The following CSMD2 variants were observed in gnomAD, a reference collection of about 807,000 sequenced individuals.
The protein encoded by CSMD2 is CUB and sushi domain-containing protein 2.
A neutral mutation model predicts 398.5 loss-of-function variants in CSMD2; 130 were observed. The ratio of observed to expected loss-of-function variants is 0.33; its 90% CI spans 0.28 to 0.38. The LOEUF (loss-of-function observed/expected upper bound fraction) is 0.38, where lower values mean the gene tolerates loss of function less well. CSMD2 is among the 10% of genes least tolerant of loss of function. The probability of loss-of-function intolerance (pLI) is 1.00; values close to 1 mark genes in which losing one functional copy is unlikely to be tolerated. For synonymous variants in CSMD2, 1,828 were observed against 1,908.5 expected, an observed-to-expected ratio of 0.96 and a Z score of 1.10; for missense variants, 3,829 against 4,764.9, an observed-to-expected ratio of 0.80 and a Z score of 5.78.
At chr1:34,021,898 T>C (rs1354461108) in intron 3 of CSMD2, among the ~76,000 whole-genome samples, 1 of 152,170 alleles carries the variant, frequency 6.6e-6, no homozygotes, top group African/African-American at 2.4e-5. Context: ...GGTGCAAGCT[T>C]TTCCATATTT....
chr1:34,075,181 T>C (rs192718043), intron 2 of CSMD2, among the ~76,000 whole-genome samples: 33 of 152,340 alleles, frequency 2.2e-4, no homozygotes, highest in Middle Eastern at 3.4e-3. Context: ...AGTGTCCTCA[T>C]TCCTTTGTTC....
At chr1:33,687,442 G>T (rs1645095187) in intron 25 of CSMD2, among the ~76,000 whole-genome samples, 1 of 152,074 alleles carries the variant, frequency 6.6e-6, no homozygotes, top group Non-Finnish European at 1.5e-5. Flanking sequence ...TTACTGTTGA[G>T]AACTGAATTA....
At chr1:33,664,455 C>T (rs1644243020) in intron 25 of CSMD2, among the ~76,000 whole-genome samples, 1 of 152,114 alleles carries the variant, frequency 6.6e-6, no homozygotes, top group South Asian at 2.1e-4. Context: ...TGCATTTCTG[C>T]TAATATTTCA....
At position 33,587,115 on chromosome 1, in the gene CSMD2, C is replaced by T. The variant is rs143826784; in HGVS notation, c.6910G>A (p.Val2304Ile). The T allele has an allele frequency of 7.8e-5, 125 of 1,609,278 alleles. No homozygotes were observed. The highest frequency in any genetic ancestry group is 1.3e-4 in the East Asian group (6 of 44,810). The change falls in exon 45 of 71, where the codon GTC becomes ATC. Residue 2304 changes from valine to isoleucine, a missense_variant. Val to Ile is a conservative substitution (Grantham distance 29, BLOSUM62 3). Around this residue, in one of 5 missense-constraint regions of CSMD2, gnomAD observed 723 missense variants for 758.6 expected, o/e 0.95. Transcript: ENST00000373381. ...PPTILPNAEV[V>I]TENEEFNIGD... ...ATATTGAATTCTTCATTCTCTGTGA[C>T]GACTTCGGCGTTGGGGAGGATGGTG... is the stretch of plus-strand genomic sequence containing the variant.
intron 26 of CSMD2, among the ~76,000 whole-genome samples, chr1:33,661,690 C>A (rs1165418508): frequency 1.3e-5 from 2 of 152,168 alleles, no homozygotes; most frequent in Non-Finnish European, 2.9e-5. Flanking sequence ...AAGTATAAAG[C>A]AATGTGATCC....
intron 3 of CSMD2, among the ~76,000 whole-genome samples, chr1:34,004,456 G>A (rs1646997110): frequency 9.1e-6 from 1 of 109,420 alleles, no homozygotes; most frequent in African/African-American, 4.9e-5. Context: ...TAGTAATCAA[G>A]GTTTTTTTTT....
chr1:33,567,953 CAA>C (rs34519202), intron 52 of CSMD2, 112 bp from the exon 53 acceptor site: 2 of 1,314,602 alleles, frequency 1.5e-6, no homozygotes, highest in African/African-American at 2.9e-5. Context: ...CTCAGCATGA[CAA>C]AAATAGTGTT....
intron 6 of CSMD2, among the ~76,000 whole-genome samples, chr1:33,833,891 C>T (rs7368403): frequency 0.78 from 117,008 of 149,276 alleles, 46,743 homozygotes; most frequent in East Asian, 0.94. Context: ...GAGTGAACTC[C>T]CATTCACAAT....
chr1:33,634,139 C>G (rs181577957), intron 31 of CSMD2, among the ~76,000 whole-genome samples: 38 of 152,264 alleles, frequency 2.5e-4, no homozygotes, highest in Middle Eastern at 3.4e-3. Flanking sequence ...CCTGCCACCT[C>G]AGTATATTGG....
intron 5 of CSMD2, among the ~76,000 whole-genome samples, chr1:33,866,273 A>C (rs1290712703): frequency 2.0e-5 from 3 of 152,202 alleles, no homozygotes; most frequent in Admixed American, 2.0e-4. Flanking sequence ...ATTACGCACT[A>C]CTGCTAAGTT....
rs577845333 is a variant in CSMD2 at position 33,828,629 on chromosome 1, G to A, written c.1034-2855C>T. ...ATGTAGGGGCTGATGTGGGCACTGT[G>A]AGATATGTGTGGCCATGAGGGGAGG... On this transcript the variant is annotated intron_variant, in intron 6 of 70. Coordinates refer to ENST00000373381, the MANE Select transcript of CSMD2 (RefSeq NM_001281956.2). Among the ~76,000 whole-genome samples the A allele has an allele frequency of 5.9e-5, 9 of 152,304 alleles. No individual in the cohort carries two copies. In the East Asian group the frequency reaches 1.7e-3, roughly 29 times the overall value.
chr1:33,614,700 T>TAA (rs1641270908), intron 39 of CSMD2, 80 bp from the exon 40 acceptor site: 3 of 759,502 alleles, frequency 3.9e-6, no homozygotes. Context: ...GAAGCTCCCT[T>TAA]CAAGCAGCAG....
Position 33,724,272 on chromosome 1 carries a change from A to G in CSMD2, c.2926T>C (p.Leu976=). The G allele has an allele frequency of 6.2e-7, 1 of 1,614,142 alleles. No homozygotes were observed. The change falls in exon 19 of 71, where the codon TTG becomes CTG. Residue 976 remains leucine (L), a synonymous_variant. Transcript: ENST00000373381. ...GFIQGSSGTI[L]SPGFPDFYPN... The stretch of plus-strand genomic sequence containing the variant: ...TAGAAGTCAGGGAACCCTGGCGACA[A>G]GATGGTCCCACTGGAGCCTTGAATG...
chr1:33,682,264 G>T (rs908474807), intron 25 of CSMD2, among the ~76,000 whole-genome samples: 1 of 152,056 alleles, frequency 6.6e-6, no homozygotes, highest in Non-Finnish European at 1.5e-5. Flanking sequence ...TGGCATCTAG[G>T]GTTCACCCAG....
Position 33,635,363 on chromosome 1 carries a change from C to A in CSMD2, c.4970-33G>T. 1 of 1,306,816 alleles carries A rather than the reference C, an allele frequency of 7.7e-7. No individual in the cohort carries two copies. Among genetic ancestry groups the A allele is most frequent in the Non-Finnish European group, 1.1e-6 (1 of 905,542 alleles). 81.0% of individuals were successfully genotyped at this position (1,306,816 alleles called of 1,614,324 possible). A position where few individuals can be genotyped will look rare whatever the true frequency, so the allele number is the denominator to read the frequency against. On this transcript the variant is annotated intron_variant, in intron 30 of 70. Transcript: ENST00000373381. The surrounding 1 kb of genome is among the most constrained non-coding windows in gnomAD (Gnocchi z 5.0). ...AGAAACCAGATAGAGAGTCAGGTGA[C>A]CTTGTGGGCCTCTTACCAGTGACCA...
At chr1:33,749,800 G>T (rs567533386) in intron 13 of CSMD2, among the ~76,000 whole-genome samples, 1 of 152,296 alleles carries the variant, frequency 6.6e-6, no homozygotes, top group East Asian at 1.9e-4. Context: ...ACCAAAATTA[G>T]CATGAAGGGA....
At chr1:34,076,497 C>T (rs1656347556) in intron 2 of CSMD2, among the ~76,000 whole-genome samples, 1 of 152,194 alleles carries the variant, frequency 6.6e-6, no homozygotes, top group South Asian at 2.1e-4. Context: ...ATGTCATCAG[C>T]ACCTCTCCAC....
chr1:33,548,065 G>T (rs1337232314), intron 56 of CSMD2, among the ~76,000 whole-genome samples: 1 of 152,204 alleles, frequency 6.6e-6, no homozygotes, highest in Non-Finnish European at 1.5e-5. Context: ...TCTCCTGACA[G>T]CCGTGTGAAG....
chr1:33,592,676 G>A (rs1342942434), intron 44 of CSMD2, among the ~76,000 whole-genome samples: 7 of 152,114 alleles, frequency 4.6e-5, no homozygotes, highest in Admixed American at 1.3e-4. Context: ...ACGGCCGGGC[G>A]CGGTGGCTCA....
Sources: allele counts gnomAD v4.1 joint callset (sites outside exome capture counted in the v4.1 genomes callset), GRCh38; gene constraint gnomAD v4.1.1; regional missense constraint gnomAD v4.1.1; non-coding constraint Gnocchi (gnomAD v3.1); transcripts MANE v1.5; gene names NCBI Gene and HGNC (gene_info 2026-07-23, HGNC 2026-07-21).